The following TNNI3K variants were observed in gnomAD, a reference collection of about 807,000 sequenced individuals.
The protein encoded by TNNI3K is serine/threonine-protein kinase TNNI3K.
A neutral mutation model predicts 114.5 loss-of-function variants in TNNI3K; 140 were observed. The ratio of observed to expected loss-of-function variants is 1.22; its 90% CI spans 1.07 to 1.41. TNNI3K has a LOEUF of 1.41. Among genes scored for constraint, TNNI3K ranks in the 40% most tolerant of loss-of-function variants. TNNI3K has a pLI of 0.00. For missense variants in TNNI3K, 1,125 were observed against 1,007.6 expected, an observed-to-expected ratio of 1.12 and a Z score of -1.58; for synonymous variants, 347 against 347.5, an observed-to-expected ratio of 1.00 and a Z score of 0.02.
At chr1:74,457,191 C>G (rs182673742) in intron 20 of TNNI3K, among the ~76,000 whole-genome samples, 3 of 152,078 alleles carry the variant, frequency 2.0e-5, no homozygotes, top group Non-Finnish European at 4.4e-5. Flanking sequence ...TAGAGCCAAC[C>G]AATCACCACG....
chr1:74,508,665 C>T (rs1235412638), intron 23 of TNNI3K, among the ~76,000 whole-genome samples: 1 of 152,194 alleles, frequency 6.6e-6, no homozygotes, highest in Non-Finnish European at 1.5e-5. Context: ...AAACCAACAG[C>T]AAGCTATAGG....
chr1:74,307,971 A>G (rs942293462), intron 5 of TNNI3K, among the ~76,000 whole-genome samples: 4 of 152,020 alleles, frequency 2.6e-5, no homozygotes, highest in Admixed American at 1.3e-4. Flanking sequence ...AAAAATATAT[A>G]TATAATAGTA....
chr1:74,284,147 C>T (rs1437537379), intron 5 of TNNI3K, among the ~76,000 whole-genome samples: 1 of 152,132 alleles, frequency 6.6e-6, no homozygotes, highest in Non-Finnish European at 1.5e-5. Context: ...CCTTTGAATA[C>T]AGTAGTAAAA....
chr1:74,300,310 T>A (rs984499294), intron 5 of TNNI3K, among the ~76,000 whole-genome samples: 4 of 152,298 alleles, frequency 2.6e-5, no homozygotes, highest in African/African-American at 9.6e-5. Flanking sequence ...TGTGCTCACA[T>A]AGTCATATAT....
intron 9 of TNNI3K, among the ~76,000 whole-genome samples, chr1:74,350,227 T>G (rs960524622): frequency 5.9e-5 from 9 of 152,166 alleles, no homozygotes; most frequent in East Asian, 1.9e-4. Context: ...ATTTCGTTAT[T>G]TACCCAGTAG....
At chr1:74,470,474 G>A (rs1667871511) in intron 21 of TNNI3K, 1 of 400,626 alleles carries the variant, frequency 2.5e-6, no homozygotes, top group Non-Finnish European at 4.4e-6. Flanking sequence ...TTGGTTAGGT[G>A]CCAAACGGCT....
At chr1:74,251,396 T>G (rs1048800735) in intron 4 of TNNI3K, among the ~76,000 whole-genome samples, 1 of 72,018 alleles carries the variant, frequency 1.4e-5, no homozygotes, top group African/African-American at 4.4e-5. Flanking sequence ...GATCATTTTA[T>G]AATTATAATA....
chr1:74,455,545 A>G (rs56194856), intron 20 of TNNI3K, among the ~76,000 whole-genome samples: 2,497 of 152,318 alleles, frequency 0.016, 65 homozygotes, highest in African/African-American at 0.056. Context: ...TAATTGACTC[A>G]TATGATTATG....
In TNNI3K at chr1:74,351,985, G is replaced by A. The variant is rs181964402; in HGVS notation, c.933-1281G>A. Reference sequence around the variant, plus strand: ...TCTCAACTTGTCAAAGTCATTTTCCGTCCAGCTTTGTTCCATTGCTGGTGA... The same window carrying A: ...TCTCAACTTGTCAAAGTCATTTTCCATCCAGCTTTGTTCCATTGCTGGTGA... On this transcript the variant is annotated intron_variant, in intron 9 of 24. Transcript: ENST00000326637. 4.7e-4 allele frequency among the ~76,000 whole-genome samples: 71 copies of A among 152,120 alleles called. No individual in the cohort carries two copies. In the East Asian group the frequency reaches 8.1e-3, roughly 17 times the overall value.
At chr1:74,325,619 T>A (rs1659858672) in intron 5 of TNNI3K, among the ~76,000 whole-genome samples, 1 of 152,116 alleles carries the variant, frequency 6.6e-6, no homozygotes, top group Admixed American at 6.6e-5. Context: ...TTGATGTCAT[T>A]TTCCAGAGAA....
intron 5 of TNNI3K, among the ~76,000 whole-genome samples, chr1:74,327,023 G>A (rs945476325): frequency 6.6e-6 from 1 of 151,092 alleles, no homozygotes; most frequent in East Asian, 2.0e-4. Context: ...GGAGGTTGCA[G>A]TGAGCCGAGA....
chr1:74,294,723 G>T (rs773891164), intron 5 of TNNI3K, among the ~76,000 whole-genome samples: 60 of 152,048 alleles, frequency 3.9e-4, no homozygotes, highest in Non-Finnish European at 7.1e-4. Flanking sequence ...TTAATGATCT[G>T]CAATAATGAT....
At chr1:74,386,945 C>T (rs115608876) in intron 17 of TNNI3K, among the ~76,000 whole-genome samples, 5,107 of 152,216 alleles carry the variant, frequency 0.034, 128 homozygotes, top group Admixed American at 0.056. Context: ...AGGATATGTA[C>T]TCATTGTCAA....
rs565944420 is a variant in TNNI3K, at chr1:74,518,699, A to G, written c.2352-21535A>G. 5.3e-5 allele frequency among the ~76,000 whole-genome samples: 8 copies of G among 152,156 alleles called. No individual in the cohort carries two copies. In the South Asian group the frequency reaches 1.7e-3, roughly 32 times the overall value. ...ACAATATCTGTTTTTTAAGCTCAAAATTATTATATTAGTGTTTTGAACACA... is the reference window on the plus strand; with the variant it reads ...ACAATATCTGTTTTTTAAGCTCAAAGTTATTATATTAGTGTTTTGAACACA... On this transcript the variant is annotated intron_variant, in intron 23 of 24. Coordinates refer to ENST00000326637, the MANE Select transcript of TNNI3K (RefSeq NM_015978.3).
chr1:74,287,637 A>G (rs1657413515), intron 5 of TNNI3K, among the ~76,000 whole-genome samples: 2 of 152,212 alleles, frequency 1.3e-5, no homozygotes, highest in Non-Finnish European at 2.9e-5. Flanking sequence ...TACTAGAAGA[A>G]AACATAGAGA....
chr1:74,428,160 A>G (rs1289755538), intron 17 of TNNI3K, among the ~76,000 whole-genome samples: 1 of 152,060 alleles, frequency 6.6e-6, no homozygotes, highest in African/African-American at 2.4e-5. Flanking sequence ...ATGGTTTCCA[A>G]GAGTTCACTG....
chr1:74,363,971 GTAT>G (rs368456076), intron 11 of TNNI3K, among the ~76,000 whole-genome samples: 5,301 of 135,448 alleles, frequency 0.039, 103 homozygotes, highest in East Asian at 0.06. Context: ...CAGATGAGGG[GTAT>G]TATTATTATT....
At chr1:74,355,333 C>A (rs538018988) in intron 11 of TNNI3K, among the ~76,000 whole-genome samples, 1 of 152,130 alleles carries the variant, frequency 6.6e-6, no homozygotes, top group South Asian at 2.1e-4. Flanking sequence ...GGGCCAGGCG[C>A]GGTGGCTCAT....
chr1:74,429,213 C>T (rs1665778347), intron 17 of TNNI3K, among the ~76,000 whole-genome samples: 1 of 151,934 alleles, frequency 6.6e-6, no homozygotes, highest in Admixed American at 6.6e-5. Context: ...TTATGATCAA[C>T]AATTGTTACC....
Sources: gnomAD v4.1 joint callset for allele counts (sites outside exome capture counted in the v4.1 genomes callset) on GRCh38, gnomAD v4.1.1 for gene constraint, MANE v1.5 for transcripts, NCBI Gene and HGNC (gene_info 2026-07-23, HGNC 2026-07-21) for gene names.